The following FBXL5 variants were observed in gnomAD, a reference collection of about 807,000 sequenced individuals.
FBXL5 encodes the protein F-box and leucine rich repeat protein 5, also known as F-box/LRR-repeat protein 5.
In FBXL5, 26 loss-of-function variants were observed where a neutral mutation model predicts 78.3. The ratio of observed to expected loss-of-function variants is 0.33; its 90% CI spans 0.24 to 0.46. FBXL5 has a LOEUF of 0.46. Among genes scored for constraint, FBXL5 ranks in the 20% least tolerant of loss-of-function variants. The pLI, the probability that FBXL5 is intolerant of heterozygous loss-of-function variation, is 1.00. For missense variants in FBXL5, 710 were observed against 829.2 expected (o/e 0.86, Z 1.77); for synonymous variants, 295 against 282.5 (o/e 1.04, Z -0.45).
intron 9 of FBXL5, among the ~76,000 whole-genome samples, chr4:15,622,512 C>T (rs1031475090): frequency 7.9e-5 from 12 of 152,126 alleles, no homozygotes; most frequent in Non-Finnish European, 1.6e-4. Flanking sequence ...GAAGCCTTTC[C>T]TGGTTCATTC....
At chr4:15,628,772 GAC>G (rs1553850273) in intron 6 of FBXL5, among the ~76,000 whole-genome samples, 3 of 140,298 alleles carry the variant, frequency 2.1e-5, no homozygotes, top group Non-Finnish European at 4.8e-5. Context: ...GCCAGACACA[GAC>G]ACACACACAC....
intron 9 of FBXL5, among the ~76,000 whole-genome samples, chr4:15,614,635 T>C (rs185907300): frequency 2.0e-4 from 30 of 152,300 alleles, no homozygotes; most frequent in African/African-American, 5.8e-4. Flanking sequence ...TGGGCAGGGC[T>C]TGCTGCGGCT....
At chr4:15,627,720 T>G (rs924658645) in intron 7 of FBXL5, among the ~76,000 whole-genome samples, 165 bp downstream of exon 7, 1 of 152,202 alleles carries the variant, frequency 6.6e-6, no homozygotes, top group African/African-American at 2.4e-5. Flanking sequence ...TTGTGAGAAC[T>G]GCAATGAAAT....
At chr4:15,653,010 T>C (rs551575505) in intron 1 of FBXL5, among the ~76,000 whole-genome samples, 4 of 152,288 alleles carry the variant, frequency 2.6e-5, no homozygotes, top group Admixed American at 1.3e-4. Flanking sequence ...CATTACAAAA[T>C]ACTTATTTTC....
chr4:15,614,489 A>G (rs1342223099), intron 9 of FBXL5, among the ~76,000 whole-genome samples: 1 of 152,098 alleles, frequency 6.6e-6, no homozygotes, highest in African/African-American at 2.4e-5. Context: ...TCACCTGGGT[A>G]AGTATTCAGG....
chr4:15,635,175 T>C lies in FBXL5; in HGVS notation c.766+1319A>G, dbSNP rs530815624. Among the ~76,000 whole-genome samples, 12 of 151,302 alleles carry C rather than the reference T, an allele frequency of 7.9e-5. No individual in the cohort carries two copies. In the South Asian group the frequency reaches 2.5e-3, roughly 32 times the overall value. ...GGTGAAACCCCGTCTCTACTAAAAGTACAAAAAATTAGCCAGGCATGGTGG... is the reference window on the plus strand; with the variant it reads ...GGTGAAACCCCGTCTCTACTAAAAGCACAAAAAATTAGCCAGGCATGGTGG... On this transcript the variant is annotated intron_variant, in intron 5 of 10. Transcript: ENST00000341285.
At chr4:15,623,674 C>T (rs1306015928) in intron 9 of FBXL5, among the ~76,000 whole-genome samples, 1 of 152,092 alleles carries the variant, frequency 6.6e-6, no homozygotes, top group Admixed American at 6.5e-5. Flanking sequence ...GTTATCTTTG[C>T]TTATGTTCTT....
At chr4:15,673,148 A>G (rs1252370438) in intron 1 of FBXL5, among the ~76,000 whole-genome samples, 2 of 152,324 alleles carry the variant, frequency 1.3e-5, no homozygotes, top group East Asian at 3.9e-4. Context: ...AGTATACTCT[A>G]AAATAACAAT....
At position 15,605,670 on chromosome 4, in the gene FBXL5, T is replaced by G. The variant is rs1438461804; in HGVS notation, c.*53A>C. ...AGAAATGTGCTATGAGTAAAGTGCA[T>G]GAAAGAAAGCCTGCTCAGCTAAATG... On this transcript the variant is annotated 3_prime_UTR_variant, in exon 11 of 11. Transcript: ENST00000341285. 6.6e-7 allele frequency: 1 copy of G among 1,509,370 alleles called. No individual in the cohort carries two copies. The highest frequency in any genetic ancestry group is 1.4e-5 in the African/African-American group (1 of 73,264). The allele number at this position is 1,509,370 out of a possible 1,614,324, so 93.5% of individuals were successfully genotyped here.
At chr4:15,663,220 A>T (rs1717394667), upstream of FBXL5, among the ~76,000 whole-genome samples, 1 of 152,222 alleles carries the variant, frequency 6.6e-6, no homozygotes, top group Non-Finnish European at 1.5e-5. Flanking sequence ...AATATTATAC[A>T]TTGATAATAG....
intron 9 of FBXL5, among the ~76,000 whole-genome samples, chr4:15,612,783 C>T (rs901421678): frequency 6.6e-6 from 1 of 151,830 alleles, no homozygotes; most frequent in Non-Finnish European, 1.5e-5. Flanking sequence ...ACCTAATAAG[C>T]AGTTGGGCAG....
Position 15,627,920 on chromosome 4 carries a change from C to A in FBXL5, c.1006G>T (p.Val336Leu), listed in dbSNP as rs146914433. 3 of 1,613,518 alleles carry A rather than the reference C, an allele frequency of 1.9e-6. No homozygotes were observed. In the African/African-American group the frequency reaches 4.0e-5, roughly 22 times the overall value. Residue 336 changes from valine (V) to leucine (L), a missense_variant, in exon 7 of 11, where the codon GTA becomes TTA. Val to Leu is a conservative substitution (Grantham distance 32, BLOSUM62 1). Transcript: ENST00000341285. ...GAAACTGCAGAGCTGTATGCTAATACTAAGGTTTTTACAGAAGTACCAACA... is the reference window on the plus strand; with the variant it reads ...GAAACTGCAGAGCTGTATGCTAATAATAAGGTTTTTACAGAAGTACCAACA... ...PYVGTSVKTL[V>L]LAYSSAVSSK...
intron 9 of FBXL5, among the ~76,000 whole-genome samples, chr4:15,622,962 C>T (rs74447237): frequency 0.016 from 2,465 of 152,222 alleles, 68 homozygotes; most frequent in African/African-American, 0.056. Context: ...TTTCCAATCC[C>T]AACAGCAGTA....
At chr4:15,631,895 T>G (rs1210791890) in intron 5 of FBXL5, among the ~76,000 whole-genome samples, 2 of 152,206 alleles carry the variant, frequency 1.3e-5, no homozygotes, top group Non-Finnish European at 2.9e-5. Context: ...TAGTTTCTTT[T>G]GCCATGCAGA....
At chr4:15,633,178 A>G (rs1323160540) in intron 5 of FBXL5, among the ~76,000 whole-genome samples, 1 of 152,266 alleles carries the variant, frequency 6.6e-6, no homozygotes, top group African/African-American at 2.4e-5. Flanking sequence ...CCCAAAGTAA[A>G]TCTTTCTCTT....
upstream of FBXL5, among the ~76,000 whole-genome samples, chr4:15,662,274 C>CGAAGGGATTAATTGAG (rs1717348191): frequency 6.7e-6 from 1 of 150,320 alleles, no homozygotes; most frequent in Non-Finnish European, 1.5e-5. Context: ...GCTCCTTCCA[C>CGAAGGGATTAATTGAG]GGCTCTACCA....
chr4:15,649,896 CAACAA>C (rs764063485), intron 1 of FBXL5, among the ~76,000 whole-genome samples: 1 of 152,092 alleles, frequency 6.6e-6, no homozygotes, highest in Non-Finnish European at 1.5e-5. Flanking sequence ...AACTAGTGAA[CAACAA>C]AACCGAGACC....
At chr4:15,613,822 C>T (rs1722435177) in intron 9 of FBXL5, among the ~76,000 whole-genome samples, 1 of 145,220 alleles carries the variant, frequency 6.9e-6, no homozygotes, top group East Asian at 2.1e-4. Flanking sequence ...TGGGGATTTT[C>T]CCATCCATAT....
chr4:15,636,031 C>A (rs1714228079), intron 5 of FBXL5, among the ~76,000 whole-genome samples: 1 of 151,800 alleles, frequency 6.6e-6, no homozygotes, highest in Non-Finnish European at 1.5e-5. Flanking sequence ...CAAAATGGAG[C>A]CATAATGGTA....
Sources: gnomAD v4.1 joint callset for allele counts (sites outside exome capture counted in the v4.1 genomes callset) on GRCh38, gnomAD v4.1.1 for gene constraint, MANE v1.5 for transcripts, NCBI Gene and HGNC (gene_info 2026-07-23, HGNC 2026-07-21) for gene names.